Variants in CDYL observed in about 807,000 individuals in gnomAD.
CDYL encodes chromodomain Y like.
Under a neutral mutation model 47.3 loss-of-function variants are expected in CDYL, and 8 were observed. That is an observed-to-expected ratio of 0.17 (90% CI 0.10 to 0.31). The LOEUF is 0.31. Among genes scored for constraint, CDYL ranks in the 10% least tolerant of loss-of-function variants. The pLI is 1.00. For synonymous variants in CDYL, 266 were observed against 265.0 expected, an observed-to-expected ratio of 1.00 and a Z score of -0.04; for missense variants, 471 against 701.4, an observed-to-expected ratio of 0.67 and a Z score of 3.71.
chr6:4,845,300 A>G (rs1760624313), intron 1 of CDYL, among the ~76,000 whole-genome samples: 1 of 152,228 alleles, frequency 6.6e-6, no homozygotes, highest in African/African-American at 2.4e-5. Flanking sequence ...ACCAAAACAA[A>G]ACAAAACAAA....
chr6:4,717,310 G>C (rs922074622), intron 2 of CDYL, among the ~76,000 whole-genome samples: 3 of 152,162 alleles, frequency 2.0e-5, no homozygotes, highest in African/African-American at 7.2e-5. Context: ...CCAGAGCCTG[G>C]TGCAGCTGGG....
intron 3 of CDYL, among the ~76,000 whole-genome samples, chr6:4,766,347 T>A (rs961531431): frequency 6.6e-6 from 1 of 152,002 alleles, no homozygotes; most frequent in African/African-American, 2.4e-5. Context: ...GTAGCTGGGA[T>A]TACAGGCATG....
chr6:4,932,160 C>T (rs1307047981), intron 2 of CDYL, among the ~76,000 whole-genome samples: 3 of 152,150 alleles, frequency 2.0e-5, no homozygotes, highest in Admixed American at 6.5e-5. Context: ...GGTTTCTTAG[C>T]CATTTGGGCT....
intron 3 of CDYL, among the ~76,000 whole-genome samples, chr6:4,739,809 T>C (rs1488456086): frequency 2.0e-5 from 3 of 151,690 alleles, no homozygotes; most frequent in African/African-American, 7.3e-5. Flanking sequence ...CAAAATTAGC[T>C]GGGCATGGTG....
At chr6:4,707,293 T>C (rs947708661) in intron 1 of CDYL, among the ~76,000 whole-genome samples, 1 of 152,184 alleles carries the variant, frequency 6.6e-6, no homozygotes, top group Non-Finnish European at 1.5e-5. Flanking sequence ...TGTTTTTTAT[T>C]TGAGACAGAG....
At chr6:4,742,525 G>C (rs1217177310) in intron 3 of CDYL, among the ~76,000 whole-genome samples, 2 of 151,646 alleles carry the variant, frequency 1.3e-5, no homozygotes, top group Non-Finnish European at 2.9e-5. Context: ...GAAAAGAAAA[G>C]AAAAAGGAAG....
chr6:4,953,722 G>A (rs535577200), intron 6 of CDYL, among the ~76,000 whole-genome samples, 176 bp from the exon 7 acceptor site: 1 of 152,342 alleles, frequency 6.6e-6, no homozygotes, highest in African/African-American at 2.4e-5. Flanking sequence ...CCAGTGCCAA[G>A]TGTGAAATGT....
chr6:4,889,910 A>G (rs181563238), intron 1 of CDYL: 3 of 950,096 alleles, frequency 3.2e-6, no homozygotes, highest in Admixed American at 1.2e-4. Context: ...CAATTTCCTG[A>G]GGAGGGAGGG....
intron 2 of CDYL, among the ~76,000 whole-genome samples, chr6:4,928,105 T>C (rs994370007): frequency 6.6e-6 from 1 of 152,228 alleles, no homozygotes; most frequent in African/African-American, 2.4e-5. Flanking sequence ...CACTCATTAT[T>C]CTTTTCAAAA....
intron 1 of CDYL, among the ~76,000 whole-genome samples, chr6:4,712,362 C>T (rs185668016): frequency 2.5e-3 from 377 of 152,338 alleles, no homozygotes; most frequent in African/African-American, 8.7e-3. Context: ...GGATTTCTTC[C>T]TGGGCAAGGC....
At chr6:4,854,023 G>A (rs903570727) in intron 1 of CDYL, among the ~76,000 whole-genome samples, 12 of 152,230 alleles carry the variant, frequency 7.9e-5, no homozygotes, top group Admixed American at 5.9e-4. Context: ...GCTCCTGCTC[G>A]TGGTGAGTCC....
chr6:4,818,715 C>CAGTT (rs1285731319), intron 1 of CDYL, among the ~76,000 whole-genome samples: 1 of 152,136 alleles, frequency 6.6e-6, no homozygotes, highest in Non-Finnish European at 1.5e-5. Flanking sequence ...GAGGGAGGCA[C>CAGTT]AGTTGTATTC....
chr6:4,898,750 C>T (rs1207796847), intron 2 of CDYL, among the ~76,000 whole-genome samples: 1 of 152,190 alleles, frequency 6.6e-6, no homozygotes, highest in Non-Finnish European at 1.5e-5. Flanking sequence ...TCTTGTCCAG[C>T]TGGAGCCAGT....
chr6:4,896,160 A>G (rs989520206), intron 2 of CDYL, among the ~76,000 whole-genome samples: 1 of 152,214 alleles, frequency 6.6e-6, no homozygotes, highest in Admixed American at 6.5e-5. Flanking sequence ...GGTGAATGAC[A>G]TCCCCTGCGG....
chr6:4,877,421 C>T (rs2127476156), intron 1 of CDYL, among the ~76,000 whole-genome samples: 1 of 152,262 alleles, frequency 6.6e-6, no homozygotes, highest in South Asian at 2.1e-4. Flanking sequence ...CCCAAAGTCA[C>T]AAGGATGACG....
intron 3 of CDYL, among the ~76,000 whole-genome samples, chr6:4,760,507 G>A (rs1758158651): frequency 6.6e-6 from 1 of 152,104 alleles, no homozygotes; most frequent in Admixed American, 6.5e-5. Context: ...ATCATGGATT[G>A]GTCAGAAAAG....
intron 3 of CDYL, among the ~76,000 whole-genome samples, chr6:4,735,237 G>A (rs1315520426): frequency 6.6e-6 from 1 of 151,414 alleles, no homozygotes; most frequent in Non-Finnish European, 1.5e-5. Flanking sequence ...GGTGAGCTGA[G>A]ATTCATTACA....
intron 1 of CDYL, among the ~76,000 whole-genome samples, chr6:4,890,736 A>T (rs1762019781): frequency 6.6e-6 from 1 of 152,238 alleles, no homozygotes; most frequent in Admixed American, 6.5e-5. Flanking sequence ...TGACGTTCTT[A>T]ATAATTGATA....
intron 1 of CDYL, among the ~76,000 whole-genome samples, chr6:4,869,188 T>C (rs1761405938): frequency 1.3e-5 from 2 of 151,938 alleles, no homozygotes; most frequent in African/African-American, 2.4e-5. Context: ...CTCTGCCTCC[T>C]GGGTTCAAGC....
Sources: gnomAD v4.1 joint callset for allele counts (sites outside exome capture counted in the v4.1 genomes callset) on GRCh38, gnomAD v4.1.1 for gene constraint, MANE v1.5 for transcripts, NCBI Gene and HGNC (gene_info 2026-07-23, HGNC 2026-07-21) for gene names.